The following SMOC2 variants were observed in gnomAD, a reference collection of about 807,000 sequenced individuals.
SMOC2 encodes the protein SPARC-related modular calcium-binding protein 2.
In SMOC2, 39 loss-of-function variants were observed where a neutral mutation model predicts 61.4. That is an observed-to-expected ratio of 0.64 (90% CI 0.49 to 0.83). SMOC2 has a LOEUF of 0.83. Ranked by LOEUF, SMOC2 falls within the 40% of genes least tolerant of loss-of-function variation. SMOC2 has a pLI of 0.00. For synonymous variants in SMOC2, 247 were observed against 239.9 expected (o/e 1.03, Z -0.27); for missense variants, 556 against 592.9 (o/e 0.94, Z 0.65).
chr6:168,444,300 A>C (rs1781283613), intron 1 of SMOC2, among the ~76,000 whole-genome samples: 2 of 151,772 alleles, frequency 1.3e-5, no homozygotes, highest in African/African-American at 4.8e-5. Flanking sequence ...TGGGGCTTTC[A>C]GTTTGCCATA....
At chr6:168,582,186 C>G (rs894607035) in intron 7 of SMOC2, among the ~76,000 whole-genome samples, 1 of 152,160 alleles carries the variant, frequency 6.6e-6, no homozygotes, top group Non-Finnish European at 1.5e-5. Context: ...GAGATGACTT[C>G]TTTATGTCAC....
At chr6:168,625,388 G>T (rs1379728164) in intron 9 of SMOC2, among the ~76,000 whole-genome samples, 1 of 152,210 alleles carries the variant, frequency 6.6e-6, no homozygotes, top group African/African-American at 2.4e-5. Flanking sequence ...AGAGAGCACT[G>T]GGTCCAGCTC....
chr6:168,521,256 C>A (rs1000615868), intron 2 of SMOC2, among the ~76,000 whole-genome samples: 2 of 152,118 alleles, frequency 1.3e-5, no homozygotes, highest in Non-Finnish European at 2.9e-5. Flanking sequence ...TCATGTGATT[C>A]TCCTGCCTCA....
intron 2 of SMOC2, among the ~76,000 whole-genome samples, chr6:168,517,039 T>G (rs1002946744): frequency 6.6e-6 from 1 of 152,236 alleles, no homozygotes; most frequent in Admixed American, 6.5e-5. Flanking sequence ...AGAAGTTTAC[T>G]CCCATGGCCA....
At chr6:168,531,617 G>A (rs1196954178) in intron 4 of SMOC2, among the ~76,000 whole-genome samples, 1 of 152,220 alleles carries the variant, frequency 6.6e-6, no homozygotes, top group African/African-American at 2.4e-5. Context: ...TGGAGAGCTG[G>A]AGAGAGCGGG....
At chr6:168,565,568 A>G (rs1376452026) in intron 7 of SMOC2, among the ~76,000 whole-genome samples, 1 of 152,246 alleles carries the variant, frequency 6.6e-6, no homozygotes, top group Non-Finnish European at 1.5e-5. Context: ...AAATACAGTC[A>G]CATTCAGAGT....
At chr6:168,665,899 T>C (rs1054995547) in intron 12 of SMOC2, among the ~76,000 whole-genome samples, 2 of 152,026 alleles carry the variant, frequency 1.3e-5, no homozygotes, top group African/African-American at 4.8e-5. Context: ...TAGGAGATCA[T>C]ATATTGCTTT....
At chr6:168,645,176 GAGA>G (rs1786990569) in intron 9 of SMOC2, among the ~76,000 whole-genome samples, 1 of 152,194 alleles carries the variant, frequency 6.6e-6, no homozygotes, top group African/African-American at 2.4e-5. Context: ...TGGAGAAGGA[GAGA>G]AGGAGTCACA....
intron 1 of SMOC2, among the ~76,000 whole-genome samples, chr6:168,499,943 A>G (rs1451929877): frequency 6.6e-6 from 1 of 152,236 alleles, no homozygotes; most frequent in African/African-American, 2.4e-5. Flanking sequence ...CTAATGCAGT[A>G]AAGTGTTTAG....
At chr6:168,493,732 C>T (rs760525886) in intron 1 of SMOC2, among the ~76,000 whole-genome samples, 91 of 152,196 alleles carry the variant, frequency 6.0e-4, no homozygotes, top group African/African-American at 2.0e-3. Flanking sequence ...GTTGACATTG[C>T]GGACATGATT....
intron 9 of SMOC2, among the ~76,000 whole-genome samples, chr6:168,624,671 C>T (rs951508176): frequency 2.4e-4 from 37 of 151,884 alleles, no homozygotes; most frequent in African/African-American, 8.5e-4. Flanking sequence ...CGCACACACA[C>T]ACTGACATAA....
intron 7 of SMOC2, among the ~76,000 whole-genome samples, chr6:168,576,833 T>A (rs553868691): frequency 1.6e-4 from 25 of 152,166 alleles, no homozygotes; most frequent in Non-Finnish European, 2.5e-4. Context: ...CATCCCTAAA[T>A]CTAGTTTACA....
rs1415009613 is a variant in SMOC2 at position 168,544,707 on chromosome 6, G to T, written c.511+1035G>T. 2.0e-5 allele frequency among the ~76,000 whole-genome samples: 3 copies of T among 152,074 alleles called. No homozygotes were observed. Among genetic ancestry groups the T allele is most frequent in the African/African-American group, 7.2e-5 (3 of 41,402 alleles). ...AACAAAATAATAAAAATAAAAATCG[G>T]AGTTTTATTCAACCAATCCCTTCTG... On this transcript the variant is annotated intron_variant, in intron 5 of 12. Transcript: ENST00000356284. This position sits in a 1 kb window ranked among gnomAD's most constrained non-coding sequence, Gnocchi z 4.1.
chr6:168,604,416 A>G (rs1289875778), intron 8 of SMOC2, among the ~76,000 whole-genome samples: 3 of 152,086 alleles, frequency 2.0e-5, no homozygotes, highest in African/African-American at 7.2e-5. Flanking sequence ...AATAATCAAT[A>G]TTAGGCAGTA....
intron 9 of SMOC2, among the ~76,000 whole-genome samples, chr6:168,614,084 A>AT (rs1237936523): frequency 1.0e-5 from 1 of 95,350 alleles, no homozygotes. Context: ...CAGCCAGCAC[A>AT]GGGCCTCTTC....
chr6:168,490,448 C>A (rs568403749), intron 1 of SMOC2, among the ~76,000 whole-genome samples: 4 of 152,218 alleles, frequency 2.6e-5, no homozygotes, highest in Non-Finnish European at 4.4e-5. Context: ...CCAGAGGGGA[C>A]CTTTCACTGG....
At chr6:168,457,783 G>A (rs1333764358) in intron 1 of SMOC2, among the ~76,000 whole-genome samples, 1 of 152,142 alleles carries the variant, frequency 6.6e-6, no homozygotes, top group African/African-American at 2.4e-5. Context: ...CGAAGGCCTG[G>A]AATTTTTCCA....
intron 1 of SMOC2, among the ~76,000 whole-genome samples, chr6:168,483,468 G>T (rs188085280): frequency 6.6e-6 from 1 of 152,056 alleles, no homozygotes; most frequent in African/African-American, 2.4e-5. Context: ...CACATCCCAC[G>T]TTCATGGATC....
chr6:168,493,869 C>A lies in SMOC2; in HGVS notation c.85-16046C>A, dbSNP rs563890406. ...TAGTTTTTAACTGTCTTTATCTTTT[C>A]TATTTTAATTGGTTCTTGCTATTCA... On this transcript the variant is annotated intron_variant, in intron 1 of 12. Transcript: ENST00000356284. Among the ~76,000 whole-genome samples the A allele has an allele frequency of 1.2e-4, 18 of 152,246 alleles. No homozygotes were observed. The South Asian group carries it at 3.5e-3, about 30-fold the overall frequency.
Sources: allele counts gnomAD v4.1 joint callset (sites outside exome capture counted in the v4.1 genomes callset), GRCh38; gene constraint gnomAD v4.1.1; non-coding constraint Gnocchi (gnomAD v3.1); transcripts MANE v1.5; gene names NCBI Gene and HGNC (gene_info 2026-07-23, HGNC 2026-07-21).